Variants in PDE1C observed in about 807,000 individuals in gnomAD.
PDE1C encodes the protein dual specificity calcium/calmodulin-dependent 3',5'-cyclic nucleotide phosphodiesterase 1C.
A neutral mutation model predicts 93.1 loss-of-function variants in PDE1C; 62 were observed. The ratio of observed to expected loss-of-function variants is 0.67; its 90% CI spans 0.54 to 0.82. The LOEUF (loss-of-function observed/expected upper bound fraction) is 0.82. Among genes scored for constraint, PDE1C ranks in the 40% least tolerant of loss-of-function variants. The pLI is 0.00. For synonymous variants in PDE1C, 325 were observed against 310.1 expected, an observed-to-expected ratio of 1.05 and a Z score of -0.50; for missense variants, 742 against 884.6, an observed-to-expected ratio of 0.84 and a Z score of 2.04.
chr7:31,747,400 C>G (rs1007265186), downstream of PDE1C, among the ~76,000 whole-genome samples: 2 of 152,104 alleles, frequency 1.3e-5, no homozygotes, highest in Non-Finnish European at 2.9e-5. Context: ...ATTAAAGTGC[C>G]AGGAACCTGG....
intron 1 of PDE1C, among the ~76,000 whole-genome samples, chr7:32,404,460 C>T (rs1247555287): frequency 2.0e-5 from 3 of 150,742 alleles, no homozygotes; most frequent in Non-Finnish European, 4.4e-5. Context: ...CTCAAGAGAC[C>T]CTCCTGCCTC....
At chr7:32,228,030 C>T (rs1296841800) in intron 1 of PDE1C, among the ~76,000 whole-genome samples, 1 of 152,208 alleles carries the variant, frequency 6.6e-6, no homozygotes, top group East Asian at 1.9e-4. Context: ...TGAGAGACTC[C>T]AAGCCAAAAT....
At chr7:32,260,565 C>T (rs542394263) in intron 1 of PDE1C, among the ~76,000 whole-genome samples, 3 of 152,258 alleles carry the variant, frequency 2.0e-5, no homozygotes, top group African/African-American at 2.4e-5. Context: ...TCGCCTTCCT[C>T]GCCCCTGTGG....
chr7:32,138,830 C>T (rs1278769246), intron 3 of PDE1C, among the ~76,000 whole-genome samples: 1 of 152,030 alleles, frequency 6.6e-6, no homozygotes, highest in Non-Finnish European at 1.5e-5. Flanking sequence ...TTTACCCATC[C>T]AAATTATTAA....
chr7:32,293,001 G>A (rs1812429606), intron 1 of PDE1C, among the ~76,000 whole-genome samples: 1 of 152,160 alleles, frequency 6.6e-6, no homozygotes, highest in Non-Finnish European at 1.5e-5. Context: ...GGGCATCCTG[G>A]CTGCCCACCC....
intron 3 of PDE1C, among the ~76,000 whole-genome samples, chr7:32,090,351 A>C (rs1797401731): frequency 6.6e-6 from 1 of 152,164 alleles, no homozygotes; most frequent in South Asian, 2.1e-4. Flanking sequence ...GACATTTCTT[A>C]TGCTGCCTTC....
intron 2 of PDE1C, among the ~76,000 whole-genome samples, chr7:31,950,347 A>C (rs1807195719): frequency 6.6e-6 from 1 of 152,178 alleles, no homozygotes; most frequent in Admixed American, 6.5e-5. Flanking sequence ...CCTGTGAAAC[A>C]CACTCTTACA....
intron 1 of PDE1C, among the ~76,000 whole-genome samples, chr7:32,427,318 A>C (rs1208600312): frequency 6.6e-6 from 1 of 152,156 alleles, no homozygotes; most frequent in Non-Finnish European, 1.5e-5. Flanking sequence ...CCAAGATCGC[A>C]ATGAAAGCAG....
chr7:32,409,346 C>T (rs1425190735), intron 1 of PDE1C, among the ~76,000 whole-genome samples: 1 of 152,004 alleles, frequency 6.6e-6, no homozygotes, highest in Admixed American at 6.6e-5. Context: ...GGGCAGCAGA[C>T]AGAGACCCTG....
In PDE1C at chr7:31,893,491, C is replaced by T. The variant is rs73306558; in HGVS notation, c.129-12631G>A. 3,121 of 984,828 alleles carry T rather than the reference C, an allele frequency of 3.2e-3. 65 individuals carry two copies. In the African/African-American group the frequency reaches 0.052, roughly 16 times the overall value. The allele number at this position is 984,828 out of a possible 1,614,324, so 61.0% of individuals were successfully genotyped here. A position where few individuals can be genotyped will look rare whatever the true frequency, so the allele number is the denominator to read the frequency against. Reference sequence around the variant, plus strand: ...GGAAGACTTACTTATGCAGTCCCATCTCACTTGCCAGCACCACCTCCCTTT... The same window carrying T: ...GGAAGACTTACTTATGCAGTCCCATTTCACTTGCCAGCACCACCTCCCTTT... On this transcript the variant is annotated intron_variant, in intron 2 of 17. Transcript: ENST00000396191.
chr7:32,379,403 T>TGTGCCTTGG (rs1338421591), intron 1 of PDE1C, among the ~76,000 whole-genome samples: 3 of 152,204 alleles, frequency 2.0e-5, no homozygotes, highest in African/African-American at 7.2e-5. Flanking sequence ...AATAAAAAGC[T>TGTGCCTTGG]GTGCCTTGGG....
chr7:31,827,929 G>A (rs1287219181), intron 12 of PDE1C, among the ~76,000 whole-genome samples: 1 of 152,128 alleles, frequency 6.6e-6, no homozygotes, highest in Non-Finnish European at 1.5e-5. Context: ...GCTAGGAGAA[G>A]CATCAGTGAG....
the PDE1C span, chr7:31,656,351 G>A: frequency 3.6e-6 from 1 of 281,512 alleles, no homozygotes; most frequent in Non-Finnish European, 5.4e-6. Flanking sequence ...TGTAAAATAG[G>A]GAGAAGAAAA....
chr7:31,883,813 G>C (rs1583775160), intron 2 of PDE1C, among the ~76,000 whole-genome samples: 1 of 152,296 alleles, frequency 6.6e-6, no homozygotes, highest in African/African-American at 2.4e-5. Context: ...CCATCAGGGA[G>C]ACCCAGGCTT....
chr7:31,692,378 T>C, the PDE1C span: 1 of 1,321,122 alleles, frequency 7.6e-7, no homozygotes, highest in Non-Finnish European at 1.1e-6. Context: ...AGAGCCATAC[T>C]TATTAACTGT....
chr7:31,735,162 G>C, the PDE1C span, among the ~76,000 whole-genome samples: 1 of 152,234 alleles, frequency 6.6e-6, no homozygotes, highest in East Asian at 1.9e-4. Flanking sequence ...ACTTTGGGAG[G>C]CTGAGATGGG....
At chr7:32,070,271 A>T (rs762107496) in intron 1 of PDE1C, 22 bp downstream of exon 1, 19 of 1,613,786 alleles carry the variant, frequency 1.2e-5, no homozygotes, top group Admixed American at 3.3e-5. Context: ...ATGGGGCAGG[A>T]GAAGTAAATA....
the PDE1C span, among the ~76,000 whole-genome samples, chr7:31,705,233 A>T: frequency 6.6e-6 from 1 of 152,156 alleles, no homozygotes; most frequent in Non-Finnish European, 1.5e-5. Flanking sequence ...AGATTCTCAT[A>T]TGATTAAGTT....
intron 2 of PDE1C, among the ~76,000 whole-genome samples, chr7:31,963,133 A>G (rs954965011): frequency 6.6e-6 from 1 of 152,226 alleles, no homozygotes; most frequent in South Asian, 2.1e-4. Context: ...CATAAACATC[A>G]TTAATAAAAA....
Sources: allele counts gnomAD v4.1 joint callset (sites outside exome capture counted in the v4.1 genomes callset), GRCh38; gene constraint gnomAD v4.1.1; transcripts MANE v1.5; gene names NCBI Gene and HGNC (gene_info 2026-07-23, HGNC 2026-07-21).